HEPHL1: variants seen among roughly 807,000 people sequenced by gnomAD.
HEPHL1 encodes ferroxidase HEPHL1.
In HEPHL1, 123 loss-of-function variants were observed where a neutral mutation model predicts 122.0. That is an observed-to-expected ratio of 1.01 (90% CI 0.87 to 1.17). The LOEUF (loss-of-function observed/expected upper bound fraction) is 1.17, where lower values mean the gene tolerates loss of function less well. Ranked by LOEUF, HEPHL1 falls within the 50% of genes most tolerant of loss-of-function variation. The probability of loss-of-function intolerance (pLI) is 0.00; values close to 1 mark genes in which losing one functional copy is unlikely to be tolerated. For missense variants in HEPHL1, 1,452 were observed against 1,430.5 expected, an observed-to-expected ratio of 1.01 and a Z score of -0.24; for synonymous variants, 527 against 508.9, an observed-to-expected ratio of 1.04 and a Z score of -0.48.
intron 13 of HEPHL1, among the ~76,000 whole-genome samples, chr11:94,095,778 T>G (rs1946306461): frequency 6.6e-6 from 1 of 152,174 alleles, no homozygotes; most frequent in Admixed American, 6.5e-5. Context: ...TTATTGTCTT[T>G]GAAGCAATTG....
rs1336910336 is a variant in HEPHL1, at chr11:94,112,895, T to G, written c.*1001T>G. 1 of 152,032 alleles carries G rather than the reference T, an allele frequency of 6.6e-6. No homozygotes were observed. The highest frequency in any genetic ancestry group is 6.6e-5 in the Admixed American group (1 of 15,252). 9.4% of individuals were successfully genotyped at this position (152,032 alleles called of 1,614,324 possible). ...TAACATTCTCATTGTATGAGAAACA[T>G]CAGGAGGAATTTATCAATGTAGGTG... is the stretch of plus-strand genomic sequence containing the variant. On this transcript the variant is annotated 3_prime_UTR_variant, in exon 20 of 20. Transcript: ENST00000315765.
chr11:94,085,353 C>A (rs1946208226), intron 10 of HEPHL1, among the ~76,000 whole-genome samples: 1 of 152,200 alleles, frequency 6.6e-6, no homozygotes, highest in Admixed American at 6.5e-5. Context: ...AGTAATTGTA[C>A]TGGGGTAAGG....
rs772508437 is a variant in HEPHL1 at position 94,073,310 on chromosome 11, CCA to C, written c.1376_1377del (p.Pro459ArgfsTer8). 2.0e-5 allele frequency: 32 copies of C among 1,609,788 alleles called. No homozygotes were observed. Among genetic ancestry groups the C allele is most frequent in the Non-Finnish European group, 2.7e-5 (32 of 1,178,074 alleles). On this transcript the variant is annotated frameshift_variant, in exon 8 of 20. Transcript: ENST00000315765. LOFTEE classifies it high-confidence loss of function. The part of the protein sequence containing the change: ...AEEAHLGILG[P>X]VIKAEVGDTL... The stretch of plus-strand genomic sequence containing the variant: ...TCTTCTTCTGGATATTTTTTCAGGC[CCA>C]GTCATCAAGGCAGAGGTGGGTGATA...
At chr11:94,107,816 G>A (rs890843706) in intron 17 of HEPHL1, among the ~76,000 whole-genome samples, 2 of 151,800 alleles carry the variant, frequency 1.3e-5, no homozygotes, top group Non-Finnish European at 2.9e-5. Flanking sequence ...TTATTTTCAA[G>A]TTTGTTTATT....
chr11:94,056,135 T>G (rs115294870), intron 2 of HEPHL1, among the ~76,000 whole-genome samples: 1 of 152,206 alleles, frequency 6.6e-6, no homozygotes, highest in African/African-American at 2.4e-5. Context: ...ACAAAATATC[T>G]TTGTCTCTAA....
At position 94,088,962 on chromosome 11, in the gene HEPHL1, G is replaced by C. The variant is rs772244521; in HGVS notation, c.2288G>C (p.Gly763Ala). The C allele has an allele frequency of 6.2e-7, 1 of 1,613,952 alleles. No homozygotes were observed. Residue 763 changes from glycine to alanine, a missense_variant, in exon 12 of 20, where the codon GGG becomes GCG. Transcript: ENST00000315765. ...EFEKQHVDAR[G>A]ERHGDIFMNR... is the part of the protein sequence containing the mutation. ...GAAAAGCAGCACGTGGACGCAAGAG[G>C]GGAAAGGTACCACAGGCGCCGCCGC...
intron 2 of HEPHL1, among the ~76,000 whole-genome samples, chr11:94,048,301 C>T (rs1945858879): frequency 6.6e-6 from 1 of 152,042 alleles, no homozygotes; most frequent in Non-Finnish European, 1.5e-5. Flanking sequence ...CATTGGTGCA[C>T]CACAGATCTT....
chr11:94,075,493 C>T, intron 9 of HEPHL1, 108 bp downstream of exon 9: 1 of 750,056 alleles, frequency 1.3e-6, no homozygotes. Flanking sequence ...ATTTGTCTTT[C>T]TTCCTCTTGA....
chr11:94,075,560 T>A (rs916062379), intron 9 of HEPHL1, among the ~76,000 whole-genome samples, 175 bp downstream of exon 9: 1 of 152,192 alleles, frequency 6.6e-6, no homozygotes, highest in Admixed American at 6.5e-5. Context: ...ATGTAAGATC[T>A]AAATTTATAG....
intron 2 of HEPHL1, among the ~76,000 whole-genome samples, chr11:94,054,815 A>T (rs550591782): frequency 2.4e-4 from 37 of 152,332 alleles, no homozygotes; most frequent in African/African-American, 8.4e-4. Flanking sequence ...TTCGTAGGGG[A>T]GTAGATAAAA....
intron 5 of HEPHL1, among the ~76,000 whole-genome samples, chr11:94,069,625 T>C (rs1461553529): frequency 1.3e-5 from 2 of 152,188 alleles, no homozygotes; most frequent in Non-Finnish European, 2.9e-5. Flanking sequence ...TCGGTGAATA[T>C]AGAGCTTACT....
At chr11:94,039,475 A>G (rs1339985277) in intron 1 of HEPHL1, among the ~76,000 whole-genome samples, 4 of 150,056 alleles carry the variant, frequency 2.7e-5, no homozygotes, top group African/African-American at 9.7e-5. Flanking sequence ...TTGGAAGTAA[A>G]GCTCTCCTCA....
intron 9 of HEPHL1, among the ~76,000 whole-genome samples, chr11:94,081,918 G>A (rs1591481198): frequency 6.6e-6 from 1 of 152,208 alleles, no homozygotes. Flanking sequence ...CCACTCTGAG[G>A]AAATGACATG....
chr11:94,065,818 T>C (rs1337441396), intron 4 of HEPHL1, among the ~76,000 whole-genome samples: 1 of 152,238 alleles, frequency 6.6e-6, no homozygotes, highest in Non-Finnish European at 1.5e-5. Context: ...ACTCTGTATT[T>C]ATTCTTTTGA....
At chr11:94,088,159 AATTG>A (rs1374866578) in intron 11 of HEPHL1, among the ~76,000 whole-genome samples, 3 of 152,184 alleles carry the variant, frequency 2.0e-5, no homozygotes, top group Non-Finnish European at 4.4e-5. Context: ...AGAAAAATCT[AATTG>A]ATTGTTTTTC....
At chr11:94,037,774 A>G (rs1048811780) in intron 1 of HEPHL1, among the ~76,000 whole-genome samples, 1 of 151,858 alleles carries the variant, frequency 6.6e-6, no homozygotes, top group African/African-American at 2.4e-5. Context: ...TGGGGAAAAA[A>G]CAGAACAGAA....
intron 13 of HEPHL1, among the ~76,000 whole-genome samples, chr11:94,094,880 A>G (rs1946297664): frequency 6.6e-6 from 1 of 152,154 alleles, no homozygotes; most frequent in South Asian, 2.1e-4. Flanking sequence ...AGTTCTTTGT[A>G]GATTCTGGAT....
At chr11:94,061,790 A>G (rs894884397) in intron 2 of HEPHL1, among the ~76,000 whole-genome samples, 1 of 152,196 alleles carries the variant, frequency 6.6e-6, no homozygotes, top group Non-Finnish European at 1.5e-5. Context: ...AGCATTCTTG[A>G]AAACATTGAA....
intron 17 of HEPHL1, among the ~76,000 whole-genome samples, chr11:94,107,320 GCTT>G (rs1946417002): frequency 6.6e-6 from 1 of 151,788 alleles, no homozygotes; most frequent in African/African-American, 2.4e-5. Context: ...TCAGAATTTG[GCTT>G]TTTTAAACTC....
Sources: gnomAD v4.1 joint callset for allele counts (sites outside exome capture counted in the v4.1 genomes callset) on GRCh38, gnomAD v4.1.1 for gene constraint, MANE v1.5 for transcripts, NCBI Gene and HGNC (gene_info 2026-07-23, HGNC 2026-07-21) for gene names.